The following ADAM28 variants were observed in gnomAD, a reference collection of about 807,000 sequenced individuals.
ADAM28 encodes the protein disintegrin and metalloproteinase domain-containing protein 28.
Under a neutral mutation model 101.2 loss-of-function variants are expected in ADAM28, and 105 were observed. The ratio of observed to expected loss-of-function variants is 1.04; its 90% CI spans 0.89 to 1.22. The LOEUF (loss-of-function observed/expected upper bound fraction) is 1.22. ADAM28 is among the 50% of genes most tolerant of loss of function. The pLI is 0.00. For synonymous variants in ADAM28, 322 were observed against 310.6 expected (o/e 1.04, Z -0.39); for missense variants, 1,028 against 945.4 (o/e 1.09, Z -1.15).
chr8:24,295,882 G>C (rs1807894061), intron 1 of ADAM28: 1 of 152,194 alleles, frequency 6.6e-6, no homozygotes, highest in African/African-American at 2.4e-5. Flanking sequence ...TCATTTCCCA[G>C]TTCTTCCTGT....
chr8:24,327,278 C>G (rs1248162177), intron 10 of ADAM28, among the ~76,000 whole-genome samples: 1 of 152,074 alleles, frequency 6.6e-6, no homozygotes, highest in Non-Finnish European at 1.5e-5. Context: ...CATGAGTGAA[C>G]TCCCATTCAC....
chr8:24,294,604 CTAT>C (rs1203777092), intron 1 of ADAM28, among the ~76,000 whole-genome samples: 4 of 152,126 alleles, frequency 2.6e-5, no homozygotes, highest in Non-Finnish European at 5.9e-5. Flanking sequence ...AAAATACCTA[CTAT>C]TATTATGGGA....
chr8:24,351,637 CA>C, intron 20 of ADAM28: 1 of 468,628 alleles, frequency 2.1e-6, no homozygotes, highest in Non-Finnish European at 3.9e-6. Context: ...TGCAAATTGA[CA>C]AAATAGATAC....
At chr8:24,327,837 A>AAGAGT (rs1278767732) in intron 10 of ADAM28, among the ~76,000 whole-genome samples, 1 of 152,082 alleles carries the variant, frequency 6.6e-6, no homozygotes, top group Non-Finnish European at 1.5e-5. Context: ...CAGATTTTTT[A>AAGAGT]AGAGTATGCC....
In ADAM28 at chr8:24,294,103, C is replaced by A; in HGVS notation, c.-47C>A. 2 of 1,611,424 alleles carry A rather than the reference C, an allele frequency of 1.2e-6. No homozygotes were observed. The highest frequency in any genetic ancestry group is 1.7e-6 in the Non-Finnish European group (2 of 1,177,642). On this transcript the variant is annotated 5_prime_UTR_variant, in exon 1 of 23. Transcript: ENST00000265769. Reference sequence around the variant, plus strand: ...GAGGCAGGGACAGACCCAGCAGCACCCACCTGAGCGAGAAGAGCAGACACC... The same window carrying A: ...GAGGCAGGGACAGACCCAGCAGCACACACCTGAGCGAGAAGAGCAGACACC...
At position 24,358,243 on chromosome 8, in the gene ADAM28, CTAAG is replaced by C. The variant is rs1355689488; in HGVS notation, c.*3841_*3844del. ...CATCATTCAAAGACACCATTATTTC[CTAAG>C]TGTTATATTGCTATTTTTCAGTTGG... On this transcript the variant is annotated 3_prime_UTR_variant, in exon 23 of 23. Coordinates refer to ENST00000265769, the MANE Select transcript of ADAM28 (RefSeq NM_014265.6). 2 of 152,140 alleles carry C rather than the reference CTAAG, an allele frequency of 1.3e-5. No individual in the cohort carries two copies. Among genetic ancestry groups the C allele is most frequent in the African/African-American group, 4.8e-5 (2 of 41,442 alleles). 9.4% of individuals were successfully genotyped at this position (152,140 alleles called of 1,614,324 possible).
chr8:24,339,985 C>T (rs1386864435), intron 15 of ADAM28, among the ~76,000 whole-genome samples: 1 of 152,084 alleles, frequency 6.6e-6, no homozygotes, highest in Non-Finnish European at 1.5e-5. Flanking sequence ...ATAACAGATG[C>T]AGTGCTTGAA....
intron 5 of ADAM28, among the ~76,000 whole-genome samples, chr8:24,312,214 T>G (rs1211602845): frequency 6.6e-6 from 1 of 152,196 alleles, no homozygotes; most frequent in Non-Finnish European, 1.5e-5. Flanking sequence ...TTTCATATTT[T>G]CAGTTGGATA....
At chr8:24,336,010 A>G (rs961174012) in intron 14 of ADAM28, 1 of 1,016,258 alleles carries the variant, frequency 9.8e-7, no homozygotes, top group African/African-American at 1.7e-5. Context: ...TACTAAGATC[A>G]TAAACCCTTG....
chr8:24,327,867 C>G (rs1426981517), intron 10 of ADAM28, among the ~76,000 whole-genome samples: 1 of 152,072 alleles, frequency 6.6e-6, no homozygotes, highest in Non-Finnish European at 1.5e-5. Flanking sequence ...TTCTTCCCAT[C>G]TATTGTGCTA....
At chr8:24,320,123 C>T (rs960649023) in intron 6 of ADAM28, 113 bp from the exon 7 acceptor site, 1 of 730,670 alleles carries the variant, frequency 1.4e-6, no homozygotes, top group Admixed American at 2.4e-5. Flanking sequence ...CTAATATTGT[C>T]TGCCTTTACT....
In ADAM28 at chr8:24,349,995, T is replaced by C. The variant is rs1042836959; in HGVS notation, c.2099+23T>C. The C allele has an allele frequency of 2.5e-6, 4 of 1,605,768 alleles. No homozygotes were observed. The Admixed American group carries it at 5.0e-5, about 20-fold the overall frequency. ...GAGGTGATCCTTTATCTTATCTTGC[T>C]GTAGGGACTCTTTGACCCCTATTTT... On this transcript the variant is annotated intron_variant, in intron 19 of 22. Transcript: ENST00000265769.
Position 24,306,391 on chromosome 8 carries a change from A to AAT in ADAM28, c.151-3490_151-3489dup, listed in dbSNP as rs904095873. Reference sequence around the variant, plus strand: ...ATATATATATATATATATATTTAAAAATATATATATATATGTTCCACACAA... The same window carrying AAT: ...ATATATATATATATATATATTTAAAAATATATATATATATATGTTCCACACAA... On this transcript the variant is annotated intron_variant, in intron 2 of 22. Transcript: ENST00000265769. 4.3e-4 allele frequency among the ~76,000 whole-genome samples: 54 copies of AAT among 126,214 alleles called. 2 individuals carry two copies. In the South Asian group the frequency reaches 4.7e-3, roughly 11 times the overall value. The allele number at this position is 126,214 out of a possible 152,430, so 82.8% of individuals were successfully genotyped here. A position where few individuals can be genotyped will look rare whatever the true frequency, so the allele number is the denominator to read the frequency against.
Position 24,313,405 on chromosome 8 carries a change from G to A in ADAM28, c.401G>A (p.Gly134Glu), listed in dbSNP as rs267601860. 2 of 1,611,186 alleles carry A rather than the reference G, an allele frequency of 1.2e-6. No individual in the cohort carries two copies. The highest frequency in any genetic ancestry group is 4.5e-5 in the East Asian group (2 of 44,814). Residue 134 changes from glycine to glutamate, a missense_variant, in exon 6 of 23, where the codon GGG (glycine) becomes GAG (glutamate). Gly to Glu is a moderately conservative substitution (Grantham distance 98). Transcript: ENST00000265769. ...TTTTTCAGGGGCTACTTCAGTCAGG[G>A]GGATCAAAGATACTTTATTGAACCT... ...CRGLRGYFSQGDQRYFIEPLS... is the reference protein window; with the variant it reads ...CRGLRGYFSQEDQRYFIEPLS...
rs1816217177 is a variant in ADAM28 at position 24,352,029 on chromosome 8, G to T, written c.2221G>T (p.Gly741Cys). ...KPHVYDLPVE[G>C]NEPPASFHKD... is the part of the protein sequence containing the mutation. ...CCATGTGTATGATCTGCCAGTAGAA[G>T]GCAATGAGCCCCCAGCCTCTTTTGT... is the stretch of plus-strand genomic sequence containing the variant. The change falls in exon 21 of 23, where the codon GGC (glycine) becomes TGC (cysteine). Residue 741 changes from glycine (G) to cysteine (C), a missense_variant. By Grantham distance (159) the Gly-to-Cys change is radical. Transcript: ENST00000265769. The T allele has an allele frequency of 1.2e-6, 2 of 1,613,714 alleles. No individual in the cohort carries two copies. The highest frequency in any genetic ancestry group is 1.7e-6 in the Non-Finnish European group (2 of 1,179,754).
At chr8:24,333,542 G>A (rs1387049726) in intron 13 of ADAM28, among the ~76,000 whole-genome samples, 2 of 152,204 alleles carry the variant, frequency 1.3e-5, no homozygotes, top group African/African-American at 4.8e-5. Context: ...CATGGCCACT[G>A]TTGAGTAGGA....
intron 7 of ADAM28, 25 bp downstream of exon 7, chr8:24,320,332 G>C (rs1295335139): frequency 1.3e-6 from 2 of 1,487,416 alleles, no homozygotes. Flanking sequence ...TAAATGTGCT[G>C]TCTTCCAAAA....
chr8:24,353,937 T>C, intron 22 of ADAM28, 105 bp downstream of exon 22: 1 of 733,276 alleles, frequency 1.4e-6, no homozygotes, highest in Non-Finnish European at 2.2e-6. Context: ...AAGAACAGTA[T>C]CTGTATGATT....
intron 9 of ADAM28, among the ~76,000 whole-genome samples, 163 bp downstream of exon 9, chr8:24,324,166 T>A (rs78147963): frequency 0.041 from 6,149 of 151,666 alleles, 142 homozygotes; most frequent in East Asian, 0.094. Flanking sequence ...GTATTTTTTT[T>A]AAAAAAAGAG....
Sources: gnomAD v4.1 joint callset for allele counts (sites outside exome capture counted in the v4.1 genomes callset) on GRCh38, gnomAD v4.1.1 for gene constraint, MANE v1.5 for transcripts, NCBI Gene and HGNC (gene_info 2026-07-23, HGNC 2026-07-21) for gene names.